ZNF420: variants seen among roughly 807,000 people sequenced by gnomAD.
ZNF420 encodes the protein ATM and p53-associated KZNF protein.
In ZNF420, 31 loss-of-function variants were observed where a neutral mutation model predicts 44.7. That is an observed-to-expected ratio of 0.69 (90% CI 0.52 to 0.94). The LOEUF (loss-of-function observed/expected upper bound fraction) is 0.94, where lower values mean the gene tolerates loss of function less well. ZNF420 is among the 40% of genes least tolerant of loss of function. The pLI, the probability that ZNF420 is intolerant of heterozygous loss-of-function variation, is 0.00. For missense variants in ZNF420, 681 were observed against 827.9 expected, an observed-to-expected ratio of 0.82 and a Z score of 2.18; for synonymous variants, 245 against 267.4, an observed-to-expected ratio of 0.92 and a Z score of 0.82.
intron 1 of ZNF420, among the ~76,000 whole-genome samples, chr19:37,016,324 G>C (rs1225318883): frequency 6.6e-6 from 1 of 152,236 alleles, no homozygotes. Context: ...ATTTCACAGA[G>C]CAAAAGGGAC....
Position 37,112,938 on chromosome 19 carries a change from T to C in ZNF420, c.137-14190T>C, listed in dbSNP as rs529048756. 2.0e-5 allele frequency among the ~76,000 whole-genome samples: 3 copies of C among 151,784 alleles called. No homozygotes were observed. The East Asian group carries it at 5.8e-4, about 29-fold the overall frequency. On this transcript the variant is annotated intron_variant, in intron 4 of 4. Transcript: ENST00000337995. ...GGCTCCCTGGAAGCAGAGAGACTGC[T>C]TGTATAGTACACAAATCTACTGCTG...
chr19:37,025,880 ATCC>A (rs151294791), intron 1 of ZNF420, among the ~76,000 whole-genome samples: 2,559 of 148,948 alleles, frequency 0.017, 76 homozygotes, highest in African/African-American at 0.06. Context: ...GGGCTCAGCA[ATCC>A]TCCTGCCTCA....
intron 1 of ZNF420, among the ~76,000 whole-genome samples, chr19:37,012,940 T>C (rs536190500): frequency 3.7e-4 from 57 of 152,234 alleles, no homozygotes; most frequent in Admixed American, 1.0e-3. Flanking sequence ...TGTTTCTTTC[T>C]TGTAAGCCTG....
At chr19:37,099,403 G>A (rs533176419) in intron 4 of ZNF420, among the ~76,000 whole-genome samples, 3 of 151,946 alleles carry the variant, frequency 2.0e-5, no homozygotes, top group African/African-American at 7.3e-5. Context: ...TCTGATTGTA[G>A]CTTCGATTTG....
chr19:37,034,045 C>T (rs1298751675), intron 1 of ZNF420, among the ~76,000 whole-genome samples: 33 of 151,920 alleles, frequency 2.2e-4, no homozygotes, highest in Non-Finnish European at 4.3e-4. Flanking sequence ...ATGAGCCATG[C>T]GCCCAGCCTA....
intron 2 of ZNF420, among the ~76,000 whole-genome samples, chr19:37,081,645 C>T (rs1384908082): frequency 2.6e-5 from 4 of 151,060 alleles, no homozygotes; most frequent in African/African-American, 9.7e-5. Flanking sequence ...CCTACCTTAG[C>T]CTCCCGAGTA....
chr19:37,025,093 C>A, intron 1 of ZNF420: 1 of 278,740 alleles, frequency 3.6e-6, no homozygotes, highest in South Asian at 7.7e-5. Flanking sequence ...TTGACTAAGT[C>A]ATCCATACAC....
intron 4 of ZNF420, chr19:37,109,541 A>G (rs1423541679): frequency 6.6e-6 from 1 of 152,170 alleles, no homozygotes; most frequent in Non-Finnish European, 1.5e-5. Context: ...TGGCAACTTC[A>G]TCTATTCTTC....
rs114072112 is a variant in ZNF420 at position 37,068,114 on chromosome 19, T to C, written c.-124-12231T>C. On this transcript the variant is annotated intron_variant, in intron 1 of 4. Coordinates refer to the ZNF420 transcript ENST00000587029. ...AACAATGCTTGGTGCTAAAGTATTC[T>C]AACATCATTATTTTGCTGGGCAGGA... Among the ~76,000 whole-genome samples, 283 of 152,264 alleles carry C rather than the reference T, an allele frequency of 1.9e-3. 2 individuals carry two copies. Among genetic ancestry groups the C allele is most frequent in the Middle Eastern group, 0.017 (5 of 294 alleles).
intron 1 of ZNF420, among the ~76,000 whole-genome samples, chr19:37,033,328 A>C (rs1284302645): frequency 1.3e-5 from 2 of 152,088 alleles, no homozygotes; most frequent in Non-Finnish European, 2.9e-5. Flanking sequence ...CAGTTTCCCA[A>C]ACTGAAACTC....
At position 37,129,241 on chromosome 19, in the gene ZNF420, T is replaced by TG; in HGVS notation, c.*183_*184insG. ...ATCATTACTGGAAACCTATTAAACA[T>TG]TAGCAAATTGGAGAATAGTTTTAAT... On this transcript the variant is annotated 3_prime_UTR_variant, in exon 5 of 5. Transcript: ENST00000337995. 1.4e-6 allele frequency: 1 copy of TG among 706,620 alleles called. No homozygotes were observed. Among genetic ancestry groups the TG allele is most frequent in the Non-Finnish European group, 2.3e-6 (1 of 439,962 alleles). 43.8% of individuals were successfully genotyped at this position (706,620 alleles called of 1,614,324 possible). A position where few individuals can be genotyped will look rare whatever the true frequency, so the allele number is the denominator to read the frequency against.
upstream of ZNF420, among the ~76,000 whole-genome samples, chr19:37,076,013 T>C (rs1416473795): frequency 6.7e-6 from 1 of 150,196 alleles, no homozygotes; most frequent in African/African-American, 2.5e-5. Flanking sequence ...TAACCTTTTT[T>C]AGCTTAAAGT....
chr19:37,018,823 GC>G (rs2074626282), intron 1 of ZNF420, among the ~76,000 whole-genome samples: 2 of 152,262 alleles, frequency 1.3e-5, no homozygotes, highest in Admixed American at 1.3e-4. Context: ...ACCCACCTCA[GC>G]CTCCCAAAAT....
chr19:37,127,119 A>C lies in ZNF420; in HGVS notation c.137-9A>C. 6.9e-7 allele frequency: 1 copy of C among 1,453,338 alleles called. No homozygotes were observed. The allele number at this position is 1,453,338 out of a possible 1,614,324, so 90.0% of individuals were successfully genotyped here. A position where few individuals can be genotyped will look rare whatever the true frequency, so the allele number is the denominator to read the frequency against. ...TTTCTCAATTTTTTTATTCTCTCTTATCTTTCAGACTTGCCTTCAAGGTGT... is the reference window on the plus strand; with the variant it reads ...TTTCTCAATTTTTTTATTCTCTCTTCTCTTTCAGACTTGCCTTCAAGGTGT... On this transcript the variant is annotated splice_polypyrimidine_tract_variant and intron_variant, in intron 4 of 4. Transcript: ENST00000337995.
intron 1 of ZNF420, among the ~76,000 whole-genome samples, chr19:37,041,505 T>G (rs1308635583): frequency 1.3e-5 from 2 of 152,146 alleles, no homozygotes; most frequent in African/African-American, 2.4e-5. Context: ...TTCCAACTTT[T>G]GCACTCCTCC....
At chr19:37,063,610 C>T (rs1967917192) in intron 1 of ZNF420, among the ~76,000 whole-genome samples, 1 of 148,156 alleles carries the variant, frequency 6.7e-6, no homozygotes, top group Non-Finnish European at 1.5e-5. Context: ...TTGTTCAGGG[C>T]TCAGTCCTTT....
chr19:37,044,204 A>G (rs1967505527), intron 1 of ZNF420, among the ~76,000 whole-genome samples: 1 of 152,164 alleles, frequency 6.6e-6, no homozygotes, highest in Non-Finnish European at 1.5e-5. Flanking sequence ...GGCATCTACT[A>G]TTTACCTCCA....
intron 4 of ZNF420, among the ~76,000 whole-genome samples, chr19:37,094,097 C>T (rs1969306285): frequency 1.3e-5 from 2 of 152,150 alleles, no homozygotes; most frequent in Non-Finnish European, 2.9e-5. Flanking sequence ...AGGCATGGTA[C>T]ATGAGTATCA....
At position 37,085,936 on chromosome 19, in the gene ZNF420, TTTATTATTATTATTA is replaced by T. The variant is rs34624393; in HGVS notation, c.-80-3073_-80-3059del. On this transcript the variant is annotated intron_variant, in intron 2 of 4. Coordinates refer to ENST00000337995, the MANE Select transcript of ZNF420 (RefSeq NM_144689.5). ...TTGCATCACAATGCCTGGCTGATGTTTTATTATTATTATTATTATTATTATTATTATTATTATTAT... is the reference window on the plus strand; with the variant it reads ...TTGCATCACAATGCCTGGCTGATGTTTTATTATTATTATTATTATTATTAT... Among the ~76,000 whole-genome samples, 234 of 137,752 alleles carry T rather than the reference TTTATTATTATTATTA, an allele frequency of 1.7e-3. 2 individuals carry two copies. The highest frequency in any genetic ancestry group is 9.6e-4 in the South Asian group (4 of 4,188). The allele number at this position is 137,752 out of a possible 152,430, so 90.4% of individuals were successfully genotyped here. A position where few individuals can be genotyped will look rare whatever the true frequency, so the allele number is the denominator to read the frequency against.
Sources: gnomAD v4.1 joint callset for allele counts (sites outside exome capture counted in the v4.1 genomes callset) on GRCh38, gnomAD v4.1.1 for gene constraint, MANE v1.5 for transcripts, NCBI Gene and HGNC (gene_info 2026-07-23, HGNC 2026-07-21) for gene names.